The following TBL1XR1 variants were observed in gnomAD, a reference collection of about 807,000 sequenced individuals.
TBL1XR1 encodes the protein TBL1X/Y related 1, also known as F-box-like/WD repeat-containing protein TBL1XR1.
In TBL1XR1, 5 loss-of-function variants were observed where a neutral mutation model predicts 66.9. The ratio of observed to expected loss-of-function variants is 0.07; its 90% confidence interval spans 0.04 to 0.16. The LOEUF is 0.16. Among genes scored for constraint, TBL1XR1 ranks in the 10% least tolerant of loss-of-function variants. The probability of loss-of-function intolerance (pLI) is 1.00; values close to 1 mark genes in which losing one functional copy is unlikely to be tolerated. For missense variants in TBL1XR1, 238 were observed against 623.2 expected, an observed-to-expected ratio of 0.38 and a Z score of 6.58; for synonymous variants, 210 against 206.0, an observed-to-expected ratio of 1.02 and a Z score of -0.17.
At chr3:177,198,532 GGTT>G (rs1480888085), upstream of TBL1XR1, among the ~76,000 whole-genome samples, 3 of 152,086 alleles carry the variant, frequency 2.0e-5, no homozygotes, top group Non-Finnish European at 4.4e-5. Context: ...GTTGAGGGAG[GGTT>G]GTTTTTAAAG....
At chr3:177,090,020 G>A (rs979239227) in intron 2 of TBL1XR1, among the ~76,000 whole-genome samples, 1 of 152,144 alleles carries the variant, frequency 6.6e-6, no homozygotes, top group African/African-American at 2.4e-5. Context: ...AACATAAGAT[G>A]GCATAATGCT....
chr3:177,156,004 C>T (rs1251595336), intron 1 of TBL1XR1, among the ~76,000 whole-genome samples: 1 of 151,382 alleles, frequency 6.6e-6, no homozygotes, highest in Non-Finnish European at 1.5e-5. Flanking sequence ...AGTGAAACTC[C>T]ATCTCAAAAT....
chr3:177,179,858 G>C (rs1362372371), intron 1 of TBL1XR1, among the ~76,000 whole-genome samples: 1 of 152,070 alleles, frequency 6.6e-6, no homozygotes, highest in African/African-American at 2.4e-5. Flanking sequence ...GGCAAATGAG[G>C]CTAGATAAAA....
chr3:177,033,252 G>T, intron 13 of TBL1XR1, 116 bp from the exon 14 acceptor site: 2 of 741,002 alleles, frequency 2.7e-6, no homozygotes, highest in Non-Finnish European at 4.0e-6. Flanking sequence ...TTTATGAGAA[G>T]CAGACCGACT....
At chr3:177,082,844 C>T (rs1309503560) in intron 2 of TBL1XR1, among the ~76,000 whole-genome samples, 1 of 146,994 alleles carries the variant, frequency 6.8e-6, no homozygotes, top group African/African-American at 2.5e-5. Context: ...CAAGCTCCAC[C>T]TCCCAGGTTC....
Position 177,049,867 on chromosome 3 carries a change from T to C in TBL1XR1, c.702+130A>G, listed in dbSNP as rs114599534. ...GGGGAGAGGGCTGGCAGGGGACGAC[T>C]CCCGGTTTGTTGTTACTAGTTAATA... On this transcript the variant is annotated intron_variant, in intron 7 of 15. Coordinates refer to ENST00000457928, the MANE Select transcript of TBL1XR1 (RefSeq NM_024665.7). 2,560 of 1,010,848 alleles carry C rather than the reference T, an allele frequency of 2.5e-3. 45 individuals are homozygous for C. The African/African-American group carries it at 0.036, about 14-fold the overall frequency. 62.6% of individuals were successfully genotyped at this position (1,010,848 alleles called of 1,614,324 possible).
At chr3:177,143,824 G>A (rs1729919667) in intron 1 of TBL1XR1, among the ~76,000 whole-genome samples, 2 of 152,198 alleles carry the variant, frequency 1.3e-5, no homozygotes, top group Non-Finnish European at 2.9e-5. Context: ...GTGGTCATCT[G>A]CAATGAAGTG....
intron 1 of TBL1XR1, among the ~76,000 whole-genome samples, chr3:177,158,605 T>C (rs1025734206): frequency 1.3e-5 from 2 of 152,160 alleles, no homozygotes; most frequent in Admixed American, 1.3e-4. Flanking sequence ...TTTCATATTA[T>C]ATATTAGACC....
At chr3:177,111,285 T>A (rs1194968499) in intron 1 of TBL1XR1, among the ~76,000 whole-genome samples, 1 of 151,974 alleles carries the variant, frequency 6.6e-6, no homozygotes, top group Non-Finnish European at 1.5e-5. Flanking sequence ...TTTTTTTTTT[T>A]TTTTAAAGAC....
At chr3:177,070,955 T>C (rs1361415905) in intron 2 of TBL1XR1, among the ~76,000 whole-genome samples, 2 of 151,730 alleles carry the variant, frequency 1.3e-5, no homozygotes, top group Admixed American at 6.6e-5. Context: ...TGTATTACAA[T>C]AGAAAGCTAA....
upstream of TBL1XR1, among the ~76,000 whole-genome samples, chr3:177,197,581 G>GGCGGCC (rs1577470603): frequency 7.0e-6 from 1 of 143,072 alleles, no homozygotes; most frequent in Non-Finnish European, 1.5e-5. Flanking sequence ...CGGCGGCGGC[G>GGCGGCC]GCGGCCGCGC....
At chr3:177,170,895 G>A (rs757914221) in intron 1 of TBL1XR1, among the ~76,000 whole-genome samples, 3 of 151,962 alleles carry the variant, frequency 2.0e-5, no homozygotes, top group South Asian at 2.1e-4. Context: ...ATGAGCCACC[G>A]TGCCAATGAT....
chr3:177,088,044 C>A (rs1001431149), intron 2 of TBL1XR1, among the ~76,000 whole-genome samples: 1 of 152,078 alleles, frequency 6.6e-6, no homozygotes, highest in Non-Finnish European at 1.5e-5. Context: ...CTGTGTTTCT[C>A]GAGGTAAGAC....
At chr3:177,074,894 G>A (rs1720494867) in intron 2 of TBL1XR1, among the ~76,000 whole-genome samples, 1 of 152,134 alleles carries the variant, frequency 6.6e-6, no homozygotes, top group Non-Finnish European at 1.5e-5. Context: ...ATGTGAAGGT[G>A]AACACCATGC....
intron 2 of TBL1XR1, among the ~76,000 whole-genome samples, chr3:177,070,877 A>G (rs1487878776): frequency 6.6e-6 from 1 of 152,032 alleles, no homozygotes; most frequent in Non-Finnish European, 1.5e-5. Context: ...ATAAAAATAA[A>G]CTAAAATCAA....
intron 1 of TBL1XR1, among the ~76,000 whole-genome samples, chr3:177,137,062 C>CT (rs1364568254): frequency 6.6e-6 from 1 of 152,162 alleles, no homozygotes; most frequent in African/African-American, 2.4e-5. Flanking sequence ...ATGCTTACTT[C>CT]TATAACAGGC....
chr3:177,131,238 A>T, intron 1 of TBL1XR1: 1 of 580,684 alleles, frequency 1.7e-6, no homozygotes, highest in Non-Finnish European at 2.2e-6. Flanking sequence ...CTAACTCTTC[A>T]TTCAAAGACA....
intron 3 of TBL1XR1, among the ~76,000 whole-genome samples, chr3:177,061,862 G>A (rs1008701942): frequency 2.0e-5 from 3 of 152,104 alleles, no homozygotes; most frequent in Non-Finnish European, 2.9e-5. Context: ...TCTGAATTAG[G>A]ACCTATTGCA....
At chr3:177,175,883 C>A (rs956100151) in intron 1 of TBL1XR1, among the ~76,000 whole-genome samples, 7 of 151,594 alleles carry the variant, frequency 4.6e-5, no homozygotes, top group African/African-American at 1.7e-4. Context: ...ACGGTGAAAC[C>A]CCATCTCTAC....
Sources: allele counts gnomAD v4.1 joint callset (sites outside exome capture counted in the v4.1 genomes callset), GRCh38; gene constraint gnomAD v4.1.1; transcripts MANE v1.5; gene names NCBI Gene and HGNC (gene_info 2026-07-23, HGNC 2026-07-21).